AGBL1: variants seen among roughly 807,000 people sequenced by gnomAD.
AGBL1 encodes cytosolic carboxypeptidase 4.
In AGBL1, 130 loss-of-function variants were observed where a neutral mutation model predicts 118.9. That is an observed-to-expected ratio of 1.09 (90% confidence interval 0.95 to 1.26). The LOEUF (loss-of-function observed/expected upper bound fraction) is 1.26. Among genes scored for constraint, AGBL1 ranks in the 50% most tolerant of loss-of-function variants. The pLI is 0.00. For missense variants in AGBL1, 1,584 were observed against 1,298.1 expected, an observed-to-expected ratio of 1.22 and a Z score of -3.38; for synonymous variants, 555 against 478.9, an observed-to-expected ratio of 1.16 and a Z score of -2.08.
rs140681404 is a variant in AGBL1 at position 86,232,784 on chromosome 15, A to G, written c.526+7833A>G. Among the ~76,000 whole-genome samples the G allele has an allele frequency of 8.3e-3, 1,263 of 152,210 alleles. 13 individuals carry two copies. Among genetic ancestry groups the G allele is most frequent in the African/African-American group, 0.029 (1,222 of 41,500 alleles). On this transcript the variant is annotated intron_variant, in intron 6 of 22. Transcript: ENST00000614907. ...ATCTTCCTTGCCTGGTCAGGAAAAC[A>G]CCATGTAAGGACAATGCCCTCCTGC...
chr15:86,396,217 G>A (rs767147023), intron 17 of AGBL1, among the ~76,000 whole-genome samples: 36 of 129,610 alleles, frequency 2.8e-4, no homozygotes, highest in Middle Eastern at 4.0e-3. Context: ...ACGTGTGTGT[G>A]TATATATATG....
chr15:86,621,413 G>A (rs762687520), intron 21 of AGBL1, among the ~76,000 whole-genome samples: 2 of 152,164 alleles, frequency 1.3e-5, no homozygotes, highest in Admixed American at 6.5e-5. Context: ...AGATCTGGAG[G>A]GCAGGAGTCC....
intron 21 of AGBL1, among the ~76,000 whole-genome samples, chr15:86,635,259 T>TCCC (rs1567094889): frequency 1.7e-5 from 1 of 57,394 alleles, no homozygotes; most frequent in African/African-American, 7.7e-5. Context: ...CTCCTCCCCC[T>TCCC]CCCCCTCCTC....
At chr15:86,303,155 C>T (rs771708620) in intron 17 of AGBL1, among the ~76,000 whole-genome samples, 6 of 152,184 alleles carry the variant, frequency 3.9e-5, no homozygotes, top group African/African-American at 9.6e-5. Flanking sequence ...TTGGAAAAGA[C>T]GATTAAACAC....
At chr15:86,230,250 C>T (rs2078434128) in intron 6 of AGBL1, among the ~76,000 whole-genome samples, 1 of 152,176 alleles carries the variant, frequency 6.6e-6, no homozygotes, top group African/African-American at 2.4e-5. Context: ...TCTGCTGTGA[C>T]CTGGCAATCA....
chr15:86,402,505 T>C (rs2081463716), intron 18 of AGBL1, among the ~76,000 whole-genome samples: 1 of 152,138 alleles, frequency 6.6e-6, no homozygotes, highest in Non-Finnish European at 1.5e-5. Flanking sequence ...AAGTGATTAA[T>C]GTGGGCATTC....
At chr15:87,006,503 A>G (rs1272282520) in intron 24 of AGBL1, among the ~76,000 whole-genome samples, 1 of 152,182 alleles carries the variant, frequency 6.6e-6, no homozygotes, top group Non-Finnish European at 1.5e-5. Context: ...GGCACGGGGT[A>G]TAATCTCCTG....
At chr15:86,343,193 C>A (rs890493291) in intron 17 of AGBL1, among the ~76,000 whole-genome samples, 2 of 152,266 alleles carry the variant, frequency 1.3e-5, no homozygotes, top group Non-Finnish European at 2.9e-5. Context: ...TTATGACCTG[C>A]ATCTTTGCTG....
rs534657184 is a variant in AGBL1, at chr15:86,908,738, A to G, written c.*1444A>G. On this transcript the variant is annotated 3_prime_UTR_variant, in exon 23 of 23. Coordinates refer to ENST00000614907, the MANE Select transcript of AGBL1 (RefSeq NM_001386094.1). ...TGAAGTGTACGAGACCTGCGAAGAA[A>G]GGATGAGAAGGGACGACAAAGGCAG... is the stretch of plus-strand genomic sequence containing the variant. 6.6e-6 allele frequency: 1 copy of G among 152,386 alleles called. No individual in the cohort carries two copies. The highest frequency in any genetic ancestry group is 1.9e-4 in the East Asian group (1 of 5,182). The allele number at this position is 152,386 out of a possible 1,614,324, so 9.4% of individuals were successfully genotyped here.
chr15:86,122,563 A>G (rs1443430935), intron 1 of AGBL1, among the ~76,000 whole-genome samples: 12 of 151,704 alleles, frequency 7.9e-5, no homozygotes, highest in African/African-American at 2.9e-4. Context: ...CTGACCCTGG[A>G]TATATAACAG....
intron 18 of AGBL1, among the ~76,000 whole-genome samples, chr15:86,448,383 T>A (rs892609746): frequency 1.8e-4 from 27 of 152,124 alleles, no homozygotes; most frequent in African/African-American, 6.3e-4. Flanking sequence ...CAGACAGGCA[T>A]CCCTACTCAT....
chr15:86,391,404 C>G (rs930936105), intron 17 of AGBL1, among the ~76,000 whole-genome samples: 4 of 151,818 alleles, frequency 2.6e-5, no homozygotes, highest in Non-Finnish European at 5.9e-5. Flanking sequence ...TTCTCAGAAT[C>G]TTTCCACTTC....
intron 22 of AGBL1, among the ~76,000 whole-genome samples, chr15:86,772,068 A>G (rs1265747056): frequency 6.6e-6 from 1 of 152,052 alleles, no homozygotes; most frequent in Non-Finnish European, 1.5e-5. Context: ...GAGTGGAAGT[A>G]TAAGACATGA....
chr15:86,476,232 A>G (rs2082557156), intron 18 of AGBL1, among the ~76,000 whole-genome samples: 1 of 152,224 alleles, frequency 6.6e-6, no homozygotes, highest in Non-Finnish European at 1.5e-5. Flanking sequence ...ACCTAACAAT[A>G]TTAACCTTAA....
chr15:86,396,082 T>C (rs907136802), intron 17 of AGBL1, among the ~76,000 whole-genome samples: 2 of 150,470 alleles, frequency 1.3e-5, no homozygotes, highest in Non-Finnish European at 1.5e-5. Context: ...TTTTTTATGG[T>C]TGAATAGTAT....
intron 17 of AGBL1, among the ~76,000 whole-genome samples, chr15:86,393,100 A>G (rs2081312442): frequency 6.6e-6 from 1 of 152,198 alleles, no homozygotes; most frequent in African/African-American, 2.4e-5. Flanking sequence ...AGAACTGGCT[A>G]AAATACTGCT....
At chr15:86,418,382 T>C (rs1396702555) in intron 18 of AGBL1, among the ~76,000 whole-genome samples, 1 of 152,230 alleles carries the variant, frequency 6.6e-6, no homozygotes. Context: ...TGTTAAGCTC[T>C]GTCTCCTTAT....
chr15:86,145,236 A>T (rs924452555), intron 3 of AGBL1, among the ~76,000 whole-genome samples: 1 of 152,226 alleles, frequency 6.6e-6, no homozygotes, highest in Non-Finnish European at 1.5e-5. Flanking sequence ...GGGGGCCACT[A>T]TTCAATCCAC....
intron 17 of AGBL1, among the ~76,000 whole-genome samples, chr15:86,377,725 G>A (rs913186757): frequency 3.9e-5 from 6 of 152,092 alleles, no homozygotes; most frequent in Non-Finnish European, 8.8e-5. Context: ...TCCAGGTGGG[G>A]GCTGCCATGC....
Sources: gnomAD v4.1 joint callset for allele counts (sites outside exome capture counted in the v4.1 genomes callset) on GRCh38, gnomAD v4.1.1 for gene constraint, MANE v1.5 for transcripts, NCBI Gene and HGNC (gene_info 2026-07-23, HGNC 2026-07-21) for gene names.